NSA2: variants seen among roughly 807,000 people sequenced by gnomAD.
The protein encoded by NSA2 is ribosome biogenesis protein NSA2 homolog.
Under a neutral mutation model 34.8 loss-of-function variants are expected in NSA2, and 18 were observed. That is an observed-to-expected ratio of 0.52 (90% CI 0.36 to 0.77). The LOEUF (loss-of-function observed/expected upper bound fraction) is 0.77. NSA2 is among the 30% of genes least tolerant of loss of function. NSA2 has a pLI of 0.00. For missense variants in NSA2, 188 were observed against 314.7 expected, an observed-to-expected ratio of 0.60 and a Z score of 3.05; for synonymous variants, 79 against 100.2, an observed-to-expected ratio of 0.79 and a Z score of 1.26.
intron 1 of NSA2, 127 bp from the exon 2 acceptor site, chr5:74,768,804 T>G: frequency 1.4e-6 from 1 of 716,364 alleles, no homozygotes; most frequent in Non-Finnish European, 2.2e-6. Flanking sequence ...AACTTAATGG[T>G]GCAAGAATCA....
chr5:74,779,096 T>C lies in NSA2; in HGVS notation c.*2425T>C, dbSNP rs1207641739. On this transcript the variant is annotated 3_prime_UTR_variant, in exon 6 of 6. Transcript: ENST00000610426. ...GAGAGAATCTGTAACAGAAGTGTTC[T>C]TGTGTGCTGAACAAAAAACTTCTAA... 2 of 152,164 alleles carry C rather than the reference T, an allele frequency of 1.3e-5. No individual in the cohort carries two copies. The highest frequency in any genetic ancestry group is 2.9e-5 in the Non-Finnish European group (2 of 67,962). The allele number at this position is 152,164 out of a possible 1,614,324, so 9.4% of individuals were successfully genotyped here. A position where few individuals can be genotyped will look rare whatever the true frequency, so the allele number is the denominator to read the frequency against.
At chr5:74,771,006 G>A (rs999320337) in intron 4 of NSA2, among the ~76,000 whole-genome samples, 196 bp downstream of exon 4, 7 of 152,098 alleles carry the variant, frequency 4.6e-5, no homozygotes, top group East Asian at 1.9e-4. Context: ...AGCCCAGTGC[G>A]GTGGCTCACA....
intron 4 of NSA2, among the ~76,000 whole-genome samples, chr5:74,771,067 T>TAGG (rs1162090548): frequency 6.6e-6 from 1 of 151,874 alleles, no homozygotes; most frequent in African/African-American, 2.4e-5. Flanking sequence ...CACCTGAAGT[T>TAGG]AGGAGTTCAA....
At chr5:74,773,636 T>C (rs2112422010) in intron 4 of NSA2, among the ~76,000 whole-genome samples, 1 of 152,304 alleles carries the variant, frequency 6.6e-6, no homozygotes, top group South Asian at 2.1e-4. Context: ...CAAGACCCTG[T>C]CTCAAAAGAA....
rs1435123074 is a variant in NSA2, at chr5:74,779,201, A to G, written c.*2530A>G. ...TATACTGTTAGCCCCCAATGGTCAT[A>G]TATGATTAATAAACATTTTTTGTAA... On this transcript the variant is annotated 3_prime_UTR_variant, in exon 6 of 6. Transcript: ENST00000610426. The G allele has an allele frequency of 6.6e-6, 1 of 152,166 alleles. No homozygotes were observed. Among genetic ancestry groups the G allele is most frequent in the Non-Finnish European group, 1.5e-5 (1 of 67,994 alleles). 9.4% of individuals were successfully genotyped at this position (152,166 alleles called of 1,614,324 possible).
chr5:74,770,610 T>C, intron 3 of NSA2, 21 bp from the exon 4 acceptor site: 1 of 1,546,700 alleles, frequency 6.5e-7, no homozygotes, highest in Non-Finnish European at 8.7e-7. Flanking sequence ...ATATAAACTT[T>C]TAACTGTGGC....
chr5:74,773,470 C>CAAAA (rs768356175), intron 4 of NSA2, among the ~76,000 whole-genome samples: 1 of 98,992 alleles, frequency 1.0e-5, no homozygotes, highest in Non-Finnish European at 2.2e-5. Flanking sequence ...CCATCTCTAC[C>CAAAA]AAAAAAAAAA....
intron 5 of NSA2, among the ~76,000 whole-genome samples, chr5:74,774,448 A>C (rs1745044865): frequency 6.6e-6 from 1 of 151,938 alleles, no homozygotes; most frequent in Non-Finnish European, 1.5e-5. Context: ...CTAAAAATAC[A>C]AAAAAATCAG....
rs200422177 is a variant in NSA2, at chr5:74,770,996, A to T, written c.522+186A>T. Among the ~76,000 whole-genome samples, 6 of 152,182 alleles carry T rather than the reference A, an allele frequency of 3.9e-5. No homozygotes were observed. In the East Asian group the frequency reaches 1.2e-3, roughly 29 times the overall value. On this transcript the variant is annotated intron_variant, in intron 4 of 5. Coordinates refer to ENST00000610426, the MANE Select transcript of NSA2 (RefSeq NM_014886.6). Reference sequence around the variant, plus strand: ...CTTTTTCCACTAGTCAAAAATCTTTAGCCCAGTGCGGTGGCTCACACCTGT... The same window carrying T: ...CTTTTTCCACTAGTCAAAAATCTTTTGCCCAGTGCGGTGGCTCACACCTGT...
rs1278795762 is a variant in NSA2, at chr5:74,778,677, G to A, written c.*2006G>A. The A allele has an allele frequency of 2.6e-5, 4 of 152,000 alleles. No homozygotes were observed. Among genetic ancestry groups the A allele is most frequent in the Non-Finnish European group, 5.9e-5 (4 of 67,914 alleles). 9.4% of individuals were successfully genotyped at this position (152,000 alleles called of 1,614,324 possible). A position where few individuals can be genotyped will look rare whatever the true frequency, so the allele number is the denominator to read the frequency against. ...TAAATTCTTAAATATACTAATTTCT[G>A]TGATGTCTAGCAATTGAATAATTTA... On this transcript the variant is annotated 3_prime_UTR_variant, in exon 6 of 6. Transcript: ENST00000610426.
At chr5:74,773,186 G>T (rs1443159531) in intron 4 of NSA2, among the ~76,000 whole-genome samples, 1 of 152,176 alleles carries the variant, frequency 6.6e-6, no homozygotes, top group Non-Finnish European at 1.5e-5. Flanking sequence ...GAGGAGAGGG[G>T]ATGTGTTTGT....
chr5:74,769,298 CAG>C lies in NSA2; in HGVS notation c.281_282del (p.Glu94GlyfsTer6). On this transcript the variant is annotated frameshift_variant, in exon 3 of 6. Transcript: ENST00000610426. LOFTEE classifies it high-confidence loss of function. ...QGAVPAYLLDREGQSRAKVLS... is the reference protein window; with the variant it reads ...QGAVPAYLLDXEGQSRAKVLS... ...GAGCAGTACCTGCCTATCTGCTGGA[CAG>C]AGAGGGACAATCTCGAGCTAAAGTA... 7 of 1,613,416 alleles carry C rather than the reference CAG, an allele frequency of 4.3e-6. No individual in the cohort carries two copies. Among genetic ancestry groups the C allele is most frequent in the Admixed American group, 1.7e-5 (1 of 59,918 alleles).
At chr5:74,772,159 CTG>C (rs1279772114) in intron 4 of NSA2, among the ~76,000 whole-genome samples, 7 of 147,670 alleles carry the variant, frequency 4.7e-5, no homozygotes, top group Admixed American at 2.0e-4. Flanking sequence ...GAGTCTCCCT[CTG>C]TATCCCAGGC....
At chr5:74,773,481 A>AT (rs1489005400) in intron 4 of NSA2, among the ~76,000 whole-genome samples, 5 of 151,672 alleles carry the variant, frequency 3.3e-5, no homozygotes, top group African/African-American at 1.2e-4. Context: ...AAAAAAAAAA[A>AT]AAAAAAAAAT....
Position 74,767,295 on chromosome 5 carries a change from A to G in NSA2, c.-66A>G, listed in dbSNP as rs1744702797. Reference sequence around the variant, plus strand: ...CGTGGTGTGGGCTTGTGGGTCTTTGAGACCCGAAAATTGAGAGCGTTTTCG... The same window carrying G: ...CGTGGTGTGGGCTTGTGGGTCTTTGGGACCCGAAAATTGAGAGCGTTTTCG... On this transcript the variant is annotated 5_prime_UTR_variant, in exon 1 of 6. Coordinates refer to ENST00000610426, the MANE Select transcript of NSA2 (RefSeq NM_014886.6). 1.9e-6 allele frequency: 3 copies of G among 1,608,276 alleles called. No homozygotes were observed. The South Asian group carries it at 3.3e-5, about 18-fold the overall frequency.
In NSA2 at chr5:74,779,918, CAA is replaced by C. The variant is rs1465958476; in HGVS notation, c.*3249_*3250del. 1 of 152,156 alleles carries C rather than the reference CAA, an allele frequency of 6.6e-6. No homozygotes were observed. The highest frequency in any genetic ancestry group is 1.9e-4 in the East Asian group (1 of 5,198). The allele number at this position is 152,156 out of a possible 1,614,324, so 9.4% of individuals were successfully genotyped here. On this transcript the variant is annotated 3_prime_UTR_variant, in exon 6 of 6. Transcript: ENST00000610426. Reference sequence around the variant, plus strand: ...TCCTTAGCTACCTCAAATAATGACACAAAGTCTTAGTTTCTTTTGCATAAGGA... The same window carrying C: ...TCCTTAGCTACCTCAAATAATGACACAGTCTTAGTTTCTTTTGCATAAGGA...
chr5:74,769,254 G>A lies in NSA2; in HGVS notation c.232G>A (p.Asp78Asn). ...HEKRNTKQKNDEKTPQGAVPA... is the reference protein window; with the variant it reads ...HEKRNTKQKNNEKTPQGAVPA... Reference sequence around the variant, plus strand: ...AAAGAGAAACACCAAACAAAAGAATGATGAAAAGACACCACAGGGAGCAGT... The same window carrying A: ...AAAGAGAAACACCAAACAAAAGAATAATGAAAAGACACCACAGGGAGCAGT... Residue 78 changes from aspartate to asparagine, a missense_variant, in exon 3 of 6, where the codon GAT becomes AAT. By Grantham distance (23) the Asp-to-Asn change is conservative (BLOSUM62 1). Coordinates refer to ENST00000610426, the MANE Select transcript of NSA2 (RefSeq NM_014886.6). The A allele has an allele frequency of 6.2e-7, 1 of 1,611,298 alleles. No individual in the cohort carries two copies. Among genetic ancestry groups the A allele is most frequent in the Non-Finnish European group, 8.5e-7 (1 of 1,179,352 alleles).
At position 74,769,304 on chromosome 5, in the gene NSA2, G is replaced by C; in HGVS notation, c.282G>C (p.Glu94Asp). The C allele has an allele frequency of 6.2e-7, 1 of 1,613,374 alleles. No homozygotes were observed. The highest frequency in any genetic ancestry group is 8.5e-7 in the Non-Finnish European group (1 of 1,179,756). ...TACCTGCCTATCTGCTGGACAGAGAGGGACAATCTCGAGCTAAAGTACTTT... is the reference window on the plus strand; with the variant it reads ...TACCTGCCTATCTGCTGGACAGAGACGGACAATCTCGAGCTAAAGTACTTT... ...GAVPAYLLDR[E>D]GQSRAKVLSN... is the part of the protein sequence containing the mutation. The change falls in exon 3 of 6, where the codon GAG becomes GAC. Residue 94 changes from glutamate to aspartate, a missense_variant. Transcript: ENST00000610426.
Position 74,773,803 on chromosome 5 carries a change from G to T in NSA2, c.523-65G>T. ...ATGGTTGAAAAAGATAAGCGAAAAC[G>T]ACCACTACTCATCACTGTTAACATT... On this transcript the variant is annotated intron_variant, in intron 4 of 5. Coordinates refer to ENST00000610426, the MANE Select transcript of NSA2 (RefSeq NM_014886.6). 3 of 1,278,410 alleles carry T rather than the reference G, an allele frequency of 2.3e-6. No individual in the cohort carries two copies. The South Asian group carries it at 4.8e-5, about 20-fold the overall frequency. 79.2% of individuals were successfully genotyped at this position (1,278,410 alleles called of 1,614,324 possible).
Sources: gnomAD v4.1 joint callset for allele counts (sites outside exome capture counted in the v4.1 genomes callset) on GRCh38, gnomAD v4.1.1 for gene constraint, MANE v1.5 for transcripts, NCBI Gene and HGNC (gene_info 2026-07-23, HGNC 2026-07-21) for gene names.